Variants in SLC22A25 observed in about 807,000 individuals in gnomAD.
SLC22A25 encodes the protein MGI:2442751, MGI:2385316, MGI:3042283, MGI:3645714, MGI:3605624, MGI:2442750.
In SLC22A25, 44 loss-of-function variants were observed where a neutral mutation model predicts 45.9. That is an observed-to-expected ratio of 0.96 (90% CI 0.75 to 1.23). The LOEUF is 1.23. SLC22A25 is among the 50% of genes most tolerant of loss of function. SLC22A25 has a pLI of 0.00. For synonymous variants in SLC22A25, 283 were observed against 238.6 expected, an observed-to-expected ratio of 1.19 and a Z score of -1.72; for missense variants, 800 against 666.4, an observed-to-expected ratio of 1.20 and a Z score of -2.21.
chr11:63,187,248 A>G (rs2088593339), intron 7 of SLC22A25, among the ~76,000 whole-genome samples: 1 of 152,128 alleles, frequency 6.6e-6, no homozygotes, highest in African/African-American at 2.4e-5. Context: ...TTCTCCTTGA[A>G]GAGGTCCTTC....
intron 7 of SLC22A25, among the ~76,000 whole-genome samples, chr11:63,196,433 A>G (rs1438088209): frequency 6.6e-6 from 1 of 152,224 alleles, no homozygotes; most frequent in Non-Finnish European, 1.5e-5. Flanking sequence ...CATCCCTGGG[A>G]TGCAAGGCTG....
intron 7 of SLC22A25, among the ~76,000 whole-genome samples, chr11:63,205,484 C>T (rs372230078): frequency 6.6e-6 from 1 of 152,096 alleles, no homozygotes; most frequent in Admixed American, 6.6e-5. Context: ...CACTGCTGAT[C>T]CCATAGAAAT....
chr11:63,216,362 C>T (rs2089710552), intron 7 of SLC22A25, among the ~76,000 whole-genome samples: 6 of 152,100 alleles, frequency 3.9e-5, no homozygotes, highest in Admixed American at 3.9e-4. Flanking sequence ...CCCAGTAGTC[C>T]CATTACTGGG....
rs192141097 is a variant in SLC22A25, at chr11:63,224,469, T to C, written c.506+3992A>G. On this transcript the variant is annotated intron_variant, in intron 5 of 11. Transcript: ENST00000306494. Reference sequence around the variant, plus strand: ...GTAAGGACTTACTCCTGCCATTGTGTTATTTATTTTCTGGTTGTTTTGTGG... The same window carrying C: ...GTAAGGACTTACTCCTGCCATTGTGCTATTTATTTTCTGGTTGTTTTGTGG... 2.4e-4 allele frequency among the ~76,000 whole-genome samples: 37 copies of C among 152,250 alleles called. No homozygotes were observed. The East Asian group carries it at 3.5e-3, about 14-fold the overall frequency.
chr11:63,239,582 G>T (rs1306781824), intron 1 of SLC22A25, among the ~76,000 whole-genome samples: 2 of 152,176 alleles, frequency 1.3e-5, no homozygotes, highest in African/African-American at 2.4e-5. Flanking sequence ...TGCTTTTCTT[G>T]TTCAGTATTG....
chr11:63,212,505 A>C (rs1023481522), intron 7 of SLC22A25, among the ~76,000 whole-genome samples: 2 of 152,140 alleles, frequency 1.3e-5, no homozygotes, highest in African/African-American at 4.8e-5. Context: ...TTATGAGTTC[A>C]TGTCCTTTGT....
In SLC22A25 at chr11:63,229,239, G is replaced by A. The variant is rs368068498; in HGVS notation, c.402+12C>T. ...GGTCATGTACACAAGAGAGGAAAAT[G>A]AGGCCTCTTACCTTAGTCACAATGG... On this transcript the variant is annotated intron_variant, in intron 4 of 11. Transcript: ENST00000306494. The A allele has an allele frequency of 9.8e-5, 148 of 1,503,412 alleles. No homozygotes were observed. In the African/African-American group the frequency reaches 1.6e-3, roughly 17 times the overall value. The allele number at this position is 1,503,412 out of a possible 1,614,324, so 93.1% of individuals were successfully genotyped here. A position where few individuals can be genotyped will look rare whatever the true frequency, so the allele number is the denominator to read the frequency against.
At chr11:63,180,618 C>T (rs1287173935) in intron 9 of SLC22A25, 42 bp downstream of exon 9, 15 of 1,347,554 alleles carry the variant, frequency 1.1e-5, no homozygotes, top group Non-Finnish European at 1.4e-5. Context: ...GGATTTATGT[C>T]TCCTCTATTT....
intron 7 of SLC22A25, among the ~76,000 whole-genome samples, chr11:63,207,648 CT>C (rs1310339134): frequency 6.6e-6 from 1 of 152,130 alleles, no homozygotes; most frequent in Non-Finnish European, 1.5e-5. Context: ...CCAATTCCCC[CT>C]GAGAAAAAGA....
chr11:63,224,541 G>A (rs1368200952), intron 5 of SLC22A25, among the ~76,000 whole-genome samples: 1 of 151,872 alleles, frequency 6.6e-6, no homozygotes, highest in Non-Finnish European at 1.5e-5. Flanking sequence ...TTTAGTGAAG[G>A]TGATTTTCTC....
At chr11:63,228,432 G>T in intron 5 of SLC22A25, 29 bp downstream of exon 5, 1 of 1,480,794 alleles carries the variant, frequency 6.8e-7, no homozygotes, top group Non-Finnish European at 9.3e-7. Context: ...AAATACCCTT[G>T]AAGAGAGCTA....
At chr11:63,207,267 A>T (rs1002677802) in intron 7 of SLC22A25, among the ~76,000 whole-genome samples, 4 of 152,246 alleles carry the variant, frequency 2.6e-5, no homozygotes, top group Non-Finnish European at 2.9e-5. Context: ...AAATTGATAA[A>T]TGGGATCTAA....
intron 3 of SLC22A25, among the ~76,000 whole-genome samples, 159 bp downstream of exon 3, chr11:63,237,722 A>G (rs529930959): frequency 2.6e-5 from 4 of 152,310 alleles, no homozygotes; most frequent in Admixed American, 2.0e-4. Context: ...TGTCTTGTAC[A>G]CAACACTCAG....
rs773559723 is a variant in SLC22A25 at position 63,217,774 on chromosome 11, C to T, written c.507-39G>A. On this transcript the variant is annotated intron_variant, in intron 5 of 11. Coordinates refer to ENST00000306494, the MANE Select transcript of SLC22A25 (RefSeq NM_199352.6). ...GCACATTAGATAATGGGAACAATAA[C>T]AACCTTTGGGAAATGTTAGCAAAGG... The T allele has an allele frequency of 7.7e-6, 12 of 1,566,290 alleles. No individual in the cohort carries two copies. In the South Asian group the frequency reaches 1.4e-4, roughly 19 times the overall value.
chr11:63,162,676 C>G lies in SLC22A25; in HGVS notation c.*1148G>C, dbSNP rs1212942454. ...AACATGTGAGATGTATATAATTATA[C>G]AAATGTTCTATTATGATTCCTTTTA... is the stretch of plus-strand genomic sequence containing the variant. On this transcript the variant is annotated 3_prime_UTR_variant, in exon 12 of 12. Transcript: ENST00000306494. Among the ~76,000 whole-genome samples, 1 of 151,998 alleles carries G rather than the reference C, an allele frequency of 6.6e-6. No individual in the cohort carries two copies. Among genetic ancestry groups the G allele is most frequent in the African/African-American group, 2.4e-5 (1 of 41,398 alleles).
Position 63,164,088 on chromosome 11 carries a change from A to G in SLC22A25, c.1395-15T>C. ...TAGCTCTTCCCCTTGGAGTAAAAAC[A>G]GCAACAGAGGAAAAGTTGTTAAAAA... is the stretch of plus-strand genomic sequence containing the variant. On this transcript the variant is annotated splice_polypyrimidine_tract_variant and intron_variant, in intron 11 of 11. Coordinates refer to ENST00000306494, the MANE Select transcript of SLC22A25 (RefSeq NM_199352.6). 6.4e-7 allele frequency: 1 copy of G among 1,555,996 alleles called. No homozygotes were observed. Among genetic ancestry groups the G allele is most frequent in the Non-Finnish European group, 8.7e-7 (1 of 1,154,612 alleles).
At chr11:63,170,913 C>T (rs1191079174) in intron 9 of SLC22A25, among the ~76,000 whole-genome samples, 1 of 152,118 alleles carries the variant, frequency 6.6e-6, no homozygotes, top group Non-Finnish European at 1.5e-5. Flanking sequence ...CAAAAATCCT[C>T]AGCACAATAC....
intron 5 of SLC22A25, among the ~76,000 whole-genome samples, chr11:63,225,134 TA>T (rs1232016697): frequency 1.2e-4 from 19 of 152,036 alleles, no homozygotes; most frequent in Non-Finnish European, 2.4e-4. Context: ...AAAAATAAAA[TA>T]AAATAAAAAA....
At chr11:63,180,835 G>A in intron 8 of SLC22A25, 60 bp from the exon 9 acceptor site, 1 of 1,248,740 alleles carries the variant, frequency 8.0e-7, no homozygotes, top group Non-Finnish European at 1.2e-6. Flanking sequence ...GGCATTGTAA[G>A]AGGACTTGTC....
Sources: allele counts gnomAD v4.1 joint callset (sites outside exome capture counted in the v4.1 genomes callset), GRCh38; gene constraint gnomAD v4.1.1; transcripts MANE v1.5; gene names NCBI Gene and HGNC (gene_info 2026-07-23, HGNC 2026-07-21).